The following GLIS1 variants were observed in gnomAD, a reference collection of about 807,000 sequenced individuals.
GLIS1 encodes GLIS family zinc finger 1, also known as zinc finger protein GLIS1.
Under a neutral mutation model 63.8 loss-of-function variants are expected in GLIS1, and 24 were observed. The ratio of observed to expected loss-of-function variants is 0.38; its 90% confidence interval spans 0.27 to 0.53. The LOEUF (loss-of-function observed/expected upper bound fraction) is 0.53. GLIS1 is among the 20% of genes least tolerant of loss of function. The pLI, the probability that GLIS1 is intolerant of heterozygous loss-of-function variation, is 0.85. For missense variants in GLIS1, 1,036 were observed against 1,074.1 expected (o/e 0.96, Z 0.50); for synonymous variants, 450 against 482.5 (o/e 0.93, Z 0.88).
At chr1:53,665,844 C>T (rs1225990324) in intron 2 of GLIS1, among the ~76,000 whole-genome samples, 4 of 152,136 alleles carry the variant, frequency 2.6e-5, no homozygotes, top group Admixed American at 6.5e-5. Context: ...AATACAATGA[C>T]GCCTAAGAAC....
intron 2 of GLIS1, among the ~76,000 whole-genome samples, chr1:53,731,926 T>C (rs1486017143): frequency 6.6e-6 from 1 of 152,192 alleles, no homozygotes; most frequent in Non-Finnish European, 1.5e-5. Flanking sequence ...GCAGGGACTA[T>C]GGATCATCCA....
At chr1:53,586,656 T>C (rs1393338837) in intron 4 of GLIS1, among the ~76,000 whole-genome samples, 1 of 152,204 alleles carries the variant, frequency 6.6e-6, no homozygotes, top group Admixed American at 6.5e-5. Flanking sequence ...GCTATACTTG[T>C]ACACAATCAC....
rs188066895 is a variant in GLIS1 at position 53,509,737 on chromosome 1, G to C, written c.2062+112C>G. The C allele has an allele frequency of 7.8e-6, 5 of 638,624 alleles. No individual in the cohort carries two copies. The African/African-American group carries it at 9.5e-5, about 12-fold the overall frequency. The allele number at this position is 638,624 out of a possible 1,614,324, so 39.6% of individuals were successfully genotyped here. On this transcript the variant is annotated intron_variant, in intron 9 of 10. Coordinates refer to ENST00000628545, the MANE Select transcript of GLIS1 (RefSeq NM_001367484.1). ...TCTCTCAGCCCCCAGTGCCCAGCCGGTCATTCTCTGAGTACCTGCCTCCCC... is the reference window on the plus strand; with the variant it reads ...TCTCTCAGCCCCCAGTGCCCAGCCGCTCATTCTCTGAGTACCTGCCTCCCC...
At chr1:53,644,145 C>T (rs551011392) in intron 2 of GLIS1, among the ~76,000 whole-genome samples, 1 of 152,336 alleles carries the variant, frequency 6.6e-6, no homozygotes, top group African/African-American at 2.4e-5. Context: ...TTGCCTCTTT[C>T]TCTCTGTCCT....
intron 2 of GLIS1, among the ~76,000 whole-genome samples, chr1:53,658,706 C>T (rs544470701): frequency 6.6e-6 from 1 of 152,296 alleles, no homozygotes; most frequent in Non-Finnish European, 1.5e-5. Context: ...TGCACTGGTG[C>T]TGCTCACATG....
intron 2 of GLIS1, among the ~76,000 whole-genome samples, chr1:53,674,382 C>A (rs2100406581): frequency 6.6e-6 from 1 of 152,228 alleles, no homozygotes; most frequent in African/African-American, 2.4e-5. Flanking sequence ...GCTCAGGAAT[C>A]TGGATATTAA....
At chr1:53,732,017 A>G (rs1423116519) in intron 2 of GLIS1, among the ~76,000 whole-genome samples, 2 of 152,234 alleles carry the variant, frequency 1.3e-5, no homozygotes, top group African/African-American at 4.8e-5. Flanking sequence ...GATGCTACAC[A>G]ATGGCTCATG....
intron 4 of GLIS1, among the ~76,000 whole-genome samples, chr1:53,540,094 C>G (rs1644627297): frequency 6.6e-6 from 1 of 152,132 alleles, no homozygotes; most frequent in African/African-American, 2.4e-5. Context: ...CCAGGACTGC[C>G]GGTCCCTTAC....
chr1:53,515,780 C>G (rs1022270404), intron 7 of GLIS1, among the ~76,000 whole-genome samples: 3 of 117,052 alleles, frequency 2.6e-5, no homozygotes, highest in African/African-American at 1.0e-4. Flanking sequence ...AAAGACATGG[C>G]AAGAGTTGTA....
intron 2 of GLIS1, among the ~76,000 whole-genome samples, chr1:53,683,915 C>T (rs770593312): frequency 7.2e-4 from 109 of 152,084 alleles, no homozygotes; most frequent in Non-Finnish European, 1.3e-3. Context: ...ACTCTCCTGA[C>T]CCACCCCGCC....
Position 53,513,216 on chromosome 1 carries a change from C to T in GLIS1, c.1883+1409G>A, listed in dbSNP as rs542855002. ...TTCCTACTCCCGCTGCCTCCAGTGC[C>T]ACCACTGCCTTCCGGGCTCCCCCTC... is the stretch of plus-strand genomic sequence containing the variant. On this transcript the variant is annotated intron_variant, in intron 8 of 10. Transcript: ENST00000628545. Among the ~76,000 whole-genome samples the T allele has an allele frequency of 1.5e-3, 228 of 152,256 alleles. 1 individual carries two copies. The highest frequency in any genetic ancestry group is 5.0e-3 in the African/African-American group (206 of 41,522).
intron 8 of GLIS1, among the ~76,000 whole-genome samples, chr1:53,512,675 C>A (rs781469970): frequency 1.3e-3 from 201 of 152,266 alleles, no homozygotes; most frequent in African/African-American, 4.7e-3. Flanking sequence ...GGCTCCTACC[C>A]GCAGGCAGGG....
chr1:53,666,532 T>C (rs1324963625), intron 2 of GLIS1, among the ~76,000 whole-genome samples: 1 of 152,102 alleles, frequency 6.6e-6, no homozygotes, highest in Non-Finnish European at 1.5e-5. Flanking sequence ...CTCAGGTCCC[T>C]TCAAGGTCTG....
intron 2 of GLIS1, among the ~76,000 whole-genome samples, chr1:53,723,573 A>C (rs1646777866): frequency 2.0e-5 from 3 of 152,162 alleles, no homozygotes; most frequent in Non-Finnish European, 2.9e-5. Context: ...ATTCAGAATG[A>C]TCTCAATGAT....
rs758674692 is a variant in GLIS1, at chr1:53,738,012, G to A, written c.53C>T (p.Pro18Leu). The change falls in exon 2 of 11, where the codon CCT becomes CTT. Residue 18 changes from proline to leucine, a missense_variant. Physicochemically the swap from Pro to Leu is moderately conservative, Grantham distance 98. Transcript: ENST00000628545. ...AHSDKRPKEAPGAPGPDRGPA... is the reference protein window; with the variant it reads ...AHSDKRPKEALGAPGPDRGPA... ...GCCGCGGTCGGGGCCGGGCGCACCA[G>A]GGGCCTCCTTAGGCCTCTTGTCCGA... is the stretch of plus-strand genomic sequence containing the variant. 65 of 1,230,670 alleles carry A rather than the reference G, an allele frequency of 5.3e-5. 2 individuals are homozygous for A. Among genetic ancestry groups the A allele is most frequent in the African/African-American group, 1.4e-4 (9 of 64,448 alleles). 76.2% of individuals were successfully genotyped at this position (1,230,670 alleles called of 1,614,324 possible).
Position 53,526,219 on chromosome 1 carries a change from C to T in GLIS1, c.1483-1332G>A, listed in dbSNP as rs1315582925. Among the ~76,000 whole-genome samples, 1 of 152,122 alleles carries T rather than the reference C, an allele frequency of 6.6e-6. No individual in the cohort carries two copies. Among genetic ancestry groups the T allele is most frequent in the Non-Finnish European group, 1.5e-5 (1 of 68,020 alleles). ...GCCAGACACACCCACGTGGAACTGC[C>T]CCCAGGACCTCAAGGCAGCTTTGCC... On this transcript the variant is annotated intron_variant, in intron 5 of 10. Transcript: ENST00000628545. This position sits in a 1 kb window ranked among gnomAD's most constrained non-coding sequence, Gnocchi z 4.4.
At chr1:53,719,039 G>A (rs1023453588) in intron 2 of GLIS1, among the ~76,000 whole-genome samples, 3 of 152,156 alleles carry the variant, frequency 2.0e-5, no homozygotes, top group Admixed American at 1.3e-4. Flanking sequence ...CATGCATCCC[G>A]TGGGACACTT....
intron 5 of GLIS1, among the ~76,000 whole-genome samples, chr1:53,529,076 A>G (rs1222255448): frequency 6.6e-6 from 1 of 152,232 alleles, no homozygotes; most frequent in Non-Finnish European, 1.5e-5. Flanking sequence ...GCCCCTGCCC[A>G]GAGCACAGGG....
At chr1:53,738,167 G>C in intron 1 of GLIS1, 61 bp from the exon 2 acceptor site, 1 of 1,062,976 alleles carries the variant, frequency 9.4e-7, no homozygotes, top group East Asian at 3.3e-5. Flanking sequence ...TATTGTCCCG[G>C]GGCCGAGTTT....
Sources: allele counts gnomAD v4.1 joint callset (sites outside exome capture counted in the v4.1 genomes callset), GRCh38; gene constraint gnomAD v4.1.1; non-coding constraint Gnocchi (gnomAD v3.1); transcripts MANE v1.5; gene names NCBI Gene and HGNC (gene_info 2026-07-23, HGNC 2026-07-21).